HBS1L: variants seen among roughly 807,000 people sequenced by gnomAD.
HBS1L encodes the protein HBS1-like protein.
Under a neutral mutation model 88.9 loss-of-function variants are expected in HBS1L, and 55 were observed. That is an observed-to-expected ratio of 0.62 (90% CI 0.50 to 0.77). The LOEUF (loss-of-function observed/expected upper bound fraction) is 0.77. Ranked by LOEUF, HBS1L falls within the 30% of genes least tolerant of loss-of-function variation. The pLI is 0.00. For synonymous variants in HBS1L, 267 were observed against 288.5 expected, an observed-to-expected ratio of 0.93 and a Z score of 0.76; for missense variants, 741 against 829.3, an observed-to-expected ratio of 0.89 and a Z score of 1.31.
Position 134,960,529 on chromosome 6 carries a change from TAC to T in HBS1L, c.*4748_*4749del, listed in dbSNP as rs1236170878. The T allele has an allele frequency of 6.6e-6, 1 of 152,192 alleles. No individual in the cohort carries two copies. Among genetic ancestry groups the T allele is most frequent in the African/African-American group, 2.4e-5 (1 of 41,462 alleles). The allele number at this position is 152,192 out of a possible 1,614,324, so 9.4% of individuals were successfully genotyped here. On this transcript the variant is annotated 3_prime_UTR_variant, in exon 18 of 18. Transcript: ENST00000367837. ...CATTATGCATTTTTATGTCATTTGG[TAC>T]AGTTTTATTGTGCATTATACTTGTT... is the stretch of plus-strand genomic sequence containing the variant.
At chr6:135,021,031 G>A (rs1776057312) in intron 4 of HBS1L, among the ~76,000 whole-genome samples, 1 of 152,014 alleles carries the variant, frequency 6.6e-6, no homozygotes. Flanking sequence ...TTCAGTATTA[G>A]AAACATATTG....
intron 4 of HBS1L, among the ~76,000 whole-genome samples, chr6:135,011,924 AAAG>A (rs1252113426): frequency 1.3e-5 from 2 of 151,046 alleles, no homozygotes; most frequent in South Asian, 2.1e-4. Flanking sequence ...AAAAAAAAAA[AAAG>A]GAGTTCCTAC....
intron 4 of HBS1L, chr6:135,036,719 T>G: frequency 1.3e-6 from 2 of 1,550,970 alleles, no homozygotes; most frequent in East Asian, 2.4e-5. Context: ...AGGTCAAGGG[T>G]GCGTCGCTTG....
At chr6:134,994,355 TA>T (rs1390966587) in intron 7 of HBS1L, among the ~76,000 whole-genome samples, 1 of 152,128 alleles carries the variant, frequency 6.6e-6, no homozygotes, top group African/African-American at 2.4e-5. Flanking sequence ...AAACATAAGA[TA>T]TCAAAGCAGA....
chr6:135,002,713 G>C (rs774710788), intron 5 of HBS1L, 21 bp downstream of exon 5: 1 of 1,425,062 alleles, frequency 7.0e-7, no homozygotes, highest in Non-Finnish European at 9.9e-7. Context: ...GTGGGGATGA[G>C]GGAGGTACTC....
chr6:134,962,610 T>C lies in HBS1L; in HGVS notation c.*2669A>G, dbSNP rs899488633. 2.0e-5 allele frequency: 3 copies of C among 152,178 alleles called. No homozygotes were observed. Among genetic ancestry groups the C allele is most frequent in the South Asian group, 2.1e-4 (1 of 4,832 alleles). The allele number at this position is 152,178 out of a possible 1,614,324, so 9.4% of individuals were successfully genotyped here. ...TGAATAATACTAACAAGTCAAAACATAGTTCTGTAATGTGTTCAAGCCACA... is the reference window on the plus strand; with the variant it reads ...TGAATAATACTAACAAGTCAAAACACAGTTCTGTAATGTGTTCAAGCCACA... On this transcript the variant is annotated 3_prime_UTR_variant, in exon 18 of 18. Coordinates refer to ENST00000367837, the MANE Select transcript of HBS1L (RefSeq NM_006620.4).
intron 4 of HBS1L, among the ~76,000 whole-genome samples, chr6:135,020,380 G>A (rs1237250786): frequency 3.3e-5 from 5 of 151,812 alleles, no homozygotes; most frequent in African/African-American, 1.2e-4. Context: ...AACTTGTAAG[G>A]TAGACATTAT....
At position 134,969,235 on chromosome 6, in the gene HBS1L, C is replaced by A; in HGVS notation, c.1898+3G>T. 1 of 1,586,018 alleles carries A rather than the reference C, an allele frequency of 6.3e-7. No individual in the cohort carries two copies. The highest frequency in any genetic ancestry group is 8.7e-7 in the Non-Finnish European group (1 of 1,154,920). On this transcript the variant is annotated splice_donor_region_variant and intron_variant, in intron 16 of 17. Coordinates refer to ENST00000367837, the MANE Select transcript of HBS1L (RefSeq NM_006620.4). ...TTTATCATTTCTGTATTAAAACACT[C>A]ACTTAGGCTTTTTCTTTGTGACTTC...
intron 4 of HBS1L, among the ~76,000 whole-genome samples, chr6:135,017,577 T>C (rs1293250758): frequency 6.6e-6 from 1 of 152,068 alleles, no homozygotes; most frequent in African/African-American, 2.4e-5. Context: ...GGAAGTATTC[T>C]GAATCAAATT....
intron 5 of HBS1L, among the ~76,000 whole-genome samples, chr6:135,001,572 C>G (rs1274637647): frequency 6.6e-6 from 1 of 152,048 alleles, no homozygotes. Context: ...ATTCTGACAA[C>G]TCAATCCCAA....
rs565747165 is a variant in HBS1L at position 134,991,067 on chromosome 6, AC to A, written c.1083+2690del. 7.9e-3 allele frequency among the ~76,000 whole-genome samples: 573 copies of A among 72,830 alleles called. 3 individuals are homozygous for A. The highest frequency in any genetic ancestry group is 0.02 in the African/African-American group (512 of 26,088). 47.8% of individuals were successfully genotyped at this position (72,830 alleles called of 152,430 possible). On this transcript the variant is annotated intron_variant, in intron 8 of 17. Transcript: ENST00000367837. ...AAAAGAAAAAGACTCACAGACATAC[AC>A]ACACACACACACACATATACACATA... is the stretch of plus-strand genomic sequence containing the variant.
intron 13 of HBS1L, among the ~76,000 whole-genome samples, chr6:134,981,108 AG>A (rs1344207929): frequency 2.6e-5 from 4 of 151,962 alleles, no homozygotes; most frequent in Non-Finnish European, 4.4e-5. Context: ...TAAGGATTTT[AG>A]AGGTTACAAG....
intron 3 of HBS1L, among the ~76,000 whole-genome samples, chr6:135,040,767 T>G (rs969600332): frequency 1.3e-5 from 2 of 152,210 alleles, no homozygotes; most frequent in African/African-American, 4.8e-5. Context: ...TATTAATGAT[T>G]TAAAATCCAT....
At chr6:135,047,967 TTC>T (rs889347327) in intron 2 of HBS1L, among the ~76,000 whole-genome samples, 3 of 152,324 alleles carry the variant, frequency 2.0e-5, no homozygotes, top group Admixed American at 2.0e-4. Context: ...ACAAAATGTC[TTC>T]TCTTTTGAAC....
Position 134,963,077 on chromosome 6 carries a change from C to T in HBS1L, c.*2202G>A, listed in dbSNP as rs536973281. The T allele has an allele frequency of 2.0e-5, 3 of 152,262 alleles. No individual in the cohort carries two copies. The highest frequency in any genetic ancestry group is 4.2e-4 in the South Asian group (2 of 4,816). 9.4% of individuals were successfully genotyped at this position (152,262 alleles called of 1,614,324 possible). A position where few individuals can be genotyped will look rare whatever the true frequency, so the allele number is the denominator to read the frequency against. ...AAACTGTAAACTAAAATTCTTAATTCGATCACAGTCTTATATAATATACAG... is the reference window on the plus strand; with the variant it reads ...AAACTGTAAACTAAAATTCTTAATTTGATCACAGTCTTATATAATATACAG... On this transcript the variant is annotated 3_prime_UTR_variant, in exon 18 of 18. Transcript: ENST00000367837.
In HBS1L at chr6:134,997,501, G is replaced by A. The variant is rs1775324170; in HGVS notation, c.695C>T (p.Pro232Leu). Reference protein sequence around the residue: ...IQASEEQSSTPAPVKKSGKLR... With the variant: ...IQASEEQSSTLAPVKKSGKLR... ...CTTGCCAGACTTTTTCACCGGTGCT[G>A]GGGTTGAACTCTGCTCTTCTGATGC... The change falls in exon 6 of 18, where the codon CCA becomes CTA. Residue 232 changes from proline (P) to leucine (L), a missense_variant. By Grantham distance (98) the Pro-to-Leu change is moderately conservative (BLOSUM62 -3). Transcript: ENST00000367837. 2 of 1,613,946 alleles carry A rather than the reference G, an allele frequency of 1.2e-6. No homozygotes were observed. Among genetic ancestry groups the A allele is most frequent in the South Asian group, 2.2e-5 (2 of 91,074 alleles).
At chr6:135,002,165 A>C (rs1369286595) in intron 5 of HBS1L, among the ~76,000 whole-genome samples, 1 of 152,110 alleles carries the variant, frequency 6.6e-6, no homozygotes, top group African/African-American at 2.4e-5. Flanking sequence ...GATTCTAGAG[A>C]CTTTGATAAG....
At chr6:134,986,001 G>T in intron 11 of HBS1L, 65 bp downstream of exon 11, 3 of 745,864 alleles carry the variant, frequency 4.0e-6, no homozygotes, top group Non-Finnish European at 7.0e-6. Flanking sequence ...CTCCCATAAA[G>T]AACTCTAAAT....
intron 4 of HBS1L, among the ~76,000 whole-genome samples, chr6:135,035,063 G>C (rs1339625678): frequency 6.6e-6 from 1 of 152,198 alleles, no homozygotes; most frequent in Non-Finnish European, 1.5e-5. Flanking sequence ...GATTAGAAAA[G>C]CTTCTATTGA....
Sources: gnomAD v4.1 joint callset for allele counts (sites outside exome capture counted in the v4.1 genomes callset) on GRCh38, gnomAD v4.1.1 for gene constraint, MANE v1.5 for transcripts, NCBI Gene and HGNC (gene_info 2026-07-23, HGNC 2026-07-21) for gene names.